Variants in RTN1 observed in about 807,000 individuals in gnomAD.
RTN1 encodes the protein reticulon 1.
RTN1 carries 25 observed loss-of-function variants against 65.5 expected under a neutral mutation model. That is an observed-to-expected ratio of 0.38 (90% confidence interval 0.28 to 0.53). The LOEUF (loss-of-function observed/expected upper bound fraction) is 0.53. RTN1 is among the 20% of genes least tolerant of loss of function. RTN1 has a pLI of 0.79. For synonymous variants in RTN1, 471 were observed against 447.6 expected, an observed-to-expected ratio of 1.05 and a Z score of -0.66; for missense variants, 983 against 1,025.4, an observed-to-expected ratio of 0.96 and a Z score of 0.57.
At position 59,689,863 on chromosome 14, in the gene RTN1, A is replaced by G. The variant is rs577002890; in HGVS notation, c.1765+37056T>C. Among the ~76,000 whole-genome samples, 64 of 152,322 alleles carry G rather than the reference A, an allele frequency of 4.2e-4. 1 individual carries two copies. The Middle Eastern group carries it at 0.02, about 49-fold the overall frequency. ...TACCTGTTACCACAAAAATAAACTT[A>G]AGTACACAGCCCACAGACCCTATAA... On this transcript the variant is annotated intron_variant, in intron 3 of 8. Coordinates refer to ENST00000267484, the MANE Select transcript of RTN1 (RefSeq NM_021136.3).
intron 3 of RTN1, among the ~76,000 whole-genome samples, chr14:59,641,962 T>C (rs1882790810): frequency 6.6e-6 from 1 of 152,236 alleles, no homozygotes; most frequent in Non-Finnish European, 1.5e-5. Flanking sequence ...ATACCATTCA[T>C]ACCATTCCTT....
At chr14:59,701,417 T>C (rs1324920527) in intron 3 of RTN1, among the ~76,000 whole-genome samples, 1 of 152,118 alleles carries the variant, frequency 6.6e-6, no homozygotes, top group Non-Finnish European at 1.5e-5. Context: ...CGGAAACAAC[T>C]CAAATGTCCA....
At chr14:59,655,703 C>T (rs1310302205) in intron 3 of RTN1, among the ~76,000 whole-genome samples, 1 of 152,106 alleles carries the variant, frequency 6.6e-6, no homozygotes, top group African/African-American at 2.4e-5. Flanking sequence ...AACAAGGGTG[C>T]CAAGACCATT....
chr14:59,611,641 G>A (rs1881953006), intron 3 of RTN1, among the ~76,000 whole-genome samples: 1 of 152,158 alleles, frequency 6.6e-6, no homozygotes. Flanking sequence ...TTTGCAGGGT[G>A]TCTGTTTTGC....
chr14:59,795,628 C>A (rs1004384638), intron 1 of RTN1, among the ~76,000 whole-genome samples: 1 of 152,136 alleles, frequency 6.6e-6, no homozygotes, highest in African/African-American at 2.4e-5. Flanking sequence ...GAACAAGTTG[C>A]CGGTGCCAAG....
intron 3 of RTN1, among the ~76,000 whole-genome samples, chr14:59,644,695 GC>G (rs1882852580): frequency 6.6e-6 from 1 of 152,212 alleles, no homozygotes; most frequent in Non-Finnish European, 1.5e-5. Context: ...AGTCTAGCTA[GC>G]CACCGATGGT....
chr14:59,636,432 G>A (rs781355107), intron 3 of RTN1, among the ~76,000 whole-genome samples: 2 of 152,126 alleles, frequency 1.3e-5, no homozygotes, highest in South Asian at 2.1e-4. Context: ...TAAGCTTCCC[G>A]AGGCCCTCGC....
intron 3 of RTN1, among the ~76,000 whole-genome samples, chr14:59,710,072 T>C (rs1409269906): frequency 6.9e-6 from 1 of 145,644 alleles, no homozygotes; most frequent in Non-Finnish European, 1.5e-5. Flanking sequence ...TGACAGACTG[T>C]CACTCTGTTG....
rs1403713226 is a variant in RTN1 at position 59,829,497 on chromosome 14, T to C, written c.241+40893A>G. On this transcript the variant is annotated intron_variant, in intron 1 of 8. Transcript: ENST00000267484. The surrounding 1 kb of genome is among the most constrained non-coding windows in gnomAD (Gnocchi z 4.3). The stretch of plus-strand genomic sequence containing the variant: ...ATGGGGGAAGTACTGAAGAAGGCTA[T>C]ATGGGATTTTTCTCTATTATTTTTG... Among the ~76,000 whole-genome samples the C allele has an allele frequency of 6.6e-6, 1 of 152,226 alleles. No individual in the cohort carries two copies. The highest frequency in any genetic ancestry group is 1.5e-5 in the Non-Finnish European group (1 of 68,038).
At chr14:59,735,944 G>A (rs1884993184) in intron 2 of RTN1, among the ~76,000 whole-genome samples, 2 of 151,910 alleles carry the variant, frequency 1.3e-5, no homozygotes, top group Admixed American at 6.6e-5. Flanking sequence ...GAATCTCTTG[G>A]GTAAATAATA....
chr14:59,701,253 C>A (rs544763968), intron 3 of RTN1, among the ~76,000 whole-genome samples: 16 of 152,290 alleles, frequency 1.1e-4, no homozygotes, highest in African/African-American at 3.4e-4. Context: ...CCTTGGAAAA[C>A]AATTTGGTAG....
intron 3 of RTN1, chr14:59,610,148 G>A (rs1881901959): frequency 3.9e-6 from 3 of 774,774 alleles, no homozygotes; most frequent in Non-Finnish European, 4.8e-6. Flanking sequence ...GCCCTCTAGG[G>A]AAGCCTCCTA....
chr14:59,853,558 G>A (rs184018393), intron 1 of RTN1, among the ~76,000 whole-genome samples: 66 of 152,186 alleles, frequency 4.3e-4, no homozygotes, highest in Non-Finnish European at 8.4e-4. Context: ...CCGGCATTCA[G>A]TGCACCCAGA....
intron 3 of RTN1, among the ~76,000 whole-genome samples, chr14:59,720,589 G>A (rs778915089): frequency 1.3e-4 from 20 of 151,970 alleles, no homozygotes; most frequent in Non-Finnish European, 2.4e-4. Flanking sequence ...CAGGCATGGT[G>A]GTGCATGCCT....
At chr14:59,834,463 T>C (rs980522831) in intron 1 of RTN1, among the ~76,000 whole-genome samples, 1 of 152,050 alleles carries the variant, frequency 6.6e-6, no homozygotes, top group Admixed American at 6.5e-5. Context: ...ATCATATACC[T>C]GATAAAGGAC....
At chr14:59,625,274 T>C (rs1442984977) in intron 3 of RTN1, among the ~76,000 whole-genome samples, 2 of 152,150 alleles carry the variant, frequency 1.3e-5, no homozygotes, top group Non-Finnish European at 2.9e-5. Flanking sequence ...CAATAATAGA[T>C]TTGAAGATGT....
At position 59,770,780 on chromosome 14, in the gene RTN1, C is replaced by T. The variant is rs189044175; in HGVS notation, c.242-24299G>A. ...TTATTTAAGAATTCTGTTGGCCGGG[C>T]GCAATGGCTCATGCCTGTAATCCCA... On this transcript the variant is annotated intron_variant, in intron 1 of 8. Transcript: ENST00000267484. 7.9e-5 allele frequency among the ~76,000 whole-genome samples: 12 copies of T among 152,236 alleles called. 1 individual carries two copies. The highest frequency in any genetic ancestry group is 2.0e-4 in the Admixed American group (3 of 15,288).
intron 2 of RTN1, among the ~76,000 whole-genome samples, chr14:59,730,648 G>T (rs973157401): frequency 6.6e-6 from 1 of 152,018 alleles, no homozygotes; most frequent in Non-Finnish European, 1.5e-5. Context: ...AAACTATTAC[G>T]ACTCAATAAT....
intron 1 of RTN1, among the ~76,000 whole-genome samples, chr14:59,763,610 G>A (rs1185163749): frequency 2.1e-5 from 3 of 145,956 alleles, no homozygotes; most frequent in Admixed American, 1.4e-4. Context: ...TCGGCTCACT[G>A]CAAGCTCCGC....
Sources: allele counts gnomAD v4.1 joint callset (sites outside exome capture counted in the v4.1 genomes callset), GRCh38; gene constraint gnomAD v4.1.1; non-coding constraint Gnocchi (gnomAD v3.1); transcripts MANE v1.5; gene names NCBI Gene and HGNC (gene_info 2026-07-23, HGNC 2026-07-21).